The following NSUN3 variants were observed in gnomAD, a reference collection of about 807,000 sequenced individuals.
The protein encoded by NSUN3 is tRNA (cytosine(34)-C(5))-methyltransferase, mitochondrial.
In NSUN3, 24 loss-of-function variants were observed where a neutral mutation model predicts 36.8. That is an observed-to-expected ratio of 0.65 (90% CI 0.47 to 0.92). The LOEUF (loss-of-function observed/expected upper bound fraction) is 0.92. NSUN3 is among the 40% of genes least tolerant of loss of function. The probability of loss-of-function intolerance (pLI) is 0.00; values close to 1 mark genes in which losing one functional copy is unlikely to be tolerated. For synonymous variants in NSUN3, 146 were observed against 145.2 expected (o/e 1.01, Z -0.04); for missense variants, 381 against 392.8 (o/e 0.97, Z 0.25).
intron 3 of NSUN3, among the ~76,000 whole-genome samples, chr3:94,086,282 T>C (rs1043963654): frequency 1.3e-5 from 2 of 152,156 alleles, no homozygotes; most frequent in African/African-American, 4.8e-5. Flanking sequence ...CTGCCCTTGT[T>C]TGATGTTCTG....
intron 5 of NSUN3, among the ~76,000 whole-genome samples, chr3:94,116,925 G>A (rs1409967472): frequency 6.6e-6 from 1 of 150,494 alleles, no homozygotes; most frequent in African/African-American, 2.4e-5. Flanking sequence ...ATAAGTCTTG[G>A]CCATAAATAG....
At chr3:94,113,314 C>A (rs997427656) in intron 5 of NSUN3, among the ~76,000 whole-genome samples, 1 of 152,126 alleles carries the variant, frequency 6.6e-6, no homozygotes, top group African/African-American at 2.4e-5. Context: ...GGATTTTAAT[C>A]CTGGTTTGGA....
At chr3:94,097,989 T>G (rs2077350270) in intron 5 of NSUN3, among the ~76,000 whole-genome samples, 1 of 152,142 alleles carries the variant, frequency 6.6e-6, no homozygotes, top group African/African-American at 2.4e-5. Flanking sequence ...ATCCGAGATC[T>G]CCAGAAACTT....
chr3:94,084,460 T>C lies in NSUN3; in HGVS notation c.466+10T>C. On this transcript the variant is annotated intron_variant, in intron 3 of 5. Transcript: ENST00000314622. ...CAGTGTGCTTGTCCAGGTAGTGTGC[T>C]TTCCTTTCAGTATTTGACAACTTTT... The C allele has an allele frequency of 6.3e-7, 1 of 1,590,892 alleles. No individual in the cohort carries two copies. Among genetic ancestry groups the C allele is most frequent in the Non-Finnish European group, 8.6e-7 (1 of 1,166,702 alleles).
At chr3:94,105,376 A>G (rs1384034061) in intron 5 of NSUN3, among the ~76,000 whole-genome samples, 1 of 152,140 alleles carries the variant, frequency 6.6e-6, no homozygotes, top group Non-Finnish European at 1.5e-5. Context: ...TCATTCTGCC[A>G]CTCACTACAG....
chr3:94,121,332 ACT>A (rs1259582202), intron 5 of NSUN3, among the ~76,000 whole-genome samples: 2 of 151,624 alleles, frequency 1.3e-5, no homozygotes, highest in Non-Finnish European at 2.9e-5. Flanking sequence ...ATCTTCACCA[ACT>A]CTCTGCCTCC....
rs1207214085 is a variant in NSUN3 at position 94,131,115 on chromosome 3, T to C, written c.*4625T>C. ...ATTATTATTATTATTATTGTAGAGA[T>C]GTGACCTCACCAGGCTGGTTTCAAA... On this transcript the variant is annotated 3_prime_UTR_variant, in exon 6 of 6. Coordinates refer to ENST00000314622, the MANE Select transcript of NSUN3 (RefSeq NM_022072.5). 3.9e-5 allele frequency among the ~76,000 whole-genome samples: 6 copies of C among 151,940 alleles called. No individual in the cohort carries two copies. The highest frequency in any genetic ancestry group is 1.3e-4 in the Admixed American group (2 of 15,238).
chr3:94,084,585 A>G, intron 3 of NSUN3, 135 bp downstream of exon 3: 1 of 609,198 alleles, frequency 1.6e-6, no homozygotes. Flanking sequence ...GATGCTATGG[A>G]GAAGAATGGA....
intron 2 of NSUN3, chr3:94,076,668 C>G (rs1576082932): frequency 8.8e-7 from 1 of 1,131,782 alleles, no homozygotes; most frequent in Non-Finnish European, 1.3e-6. Flanking sequence ...AGACGCAAGT[C>G]TGAGTTGCAG....
At chr3:94,101,625 T>C (rs895669873) in intron 5 of NSUN3, among the ~76,000 whole-genome samples, 1 of 152,148 alleles carries the variant, frequency 6.6e-6, no homozygotes. Flanking sequence ...TTTCAGGAGA[T>C]GAGAATGAGG....
chr3:94,124,149 T>G (rs2077475364), intron 5 of NSUN3, among the ~76,000 whole-genome samples: 6 of 24,020 alleles, frequency 2.5e-4, no homozygotes, highest in African/African-American at 7.7e-4. Context: ...ATTTTATTTC[T>G]TTTTTTTTTT....
chr3:94,129,729 TTATA>T lies in NSUN3; in HGVS notation c.*3243_*3246del, dbSNP rs1479963168. The stretch of plus-strand genomic sequence containing the variant: ...GAGCATTGAATATTCTATAAATTGT[TTATA>T]TATGTTGTCTTTTTTTTTTTTTTTT... On this transcript the variant is annotated 3_prime_UTR_variant, in exon 6 of 6. Transcript: ENST00000314622. Among the ~76,000 whole-genome samples, 2 of 151,570 alleles carry T rather than the reference TTATA, an allele frequency of 1.3e-5. No homozygotes were observed. The highest frequency in any genetic ancestry group is 4.8e-5 in the African/African-American group (2 of 41,300).
chr3:94,084,911 G>A (rs181635931), intron 3 of NSUN3: 2 of 152,364 alleles, frequency 1.3e-5, no homozygotes, highest in Non-Finnish European at 2.9e-5. Flanking sequence ...AAATATTTAA[G>A]TAGTTCCATT....
At position 94,109,429 on chromosome 3, in the gene NSUN3, T is replaced by TA. The variant is rs1424306635; in HGVS notation, c.743+14276dup. 2.6e-5 allele frequency among the ~76,000 whole-genome samples: 4 copies of TA among 152,226 alleles called. 1 individual carries two copies. Among genetic ancestry groups the TA allele is most frequent in the Non-Finnish European group, 5.9e-5 (4 of 68,040 alleles). On this transcript the variant is annotated intron_variant, in intron 5 of 5. Transcript: ENST00000314622. Reference sequence around the variant, plus strand: ...TCCACAAATGATATAAGAGATTTATTATTGGAATTAGATATTATTTAATTA... The same window carrying TA: ...TCCACAAATGATATAAGAGATTTATTAATTGGAATTAGATATTATTTAATTA...
chr3:94,085,185 A>T (rs2077286900), intron 3 of NSUN3: 1 of 152,226 alleles, frequency 6.6e-6, no homozygotes, highest in Non-Finnish European at 1.5e-5. Context: ...CTTTTTCATT[A>T]ATATTATTAT....
rs1346901066 is a variant in NSUN3 at position 94,069,419 on chromosome 3, C to G, written c.122+4873C>G. Among the ~76,000 whole-genome samples the G allele has an allele frequency of 2.0e-5, 3 of 152,146 alleles. No individual in the cohort carries two copies. The South Asian group carries it at 6.2e-4, about 32-fold the overall frequency. The stretch of plus-strand genomic sequence containing the variant: ...CTTTTAAAAGAGTTGAATGAGCACC[C>G]TCTAGTGGATAATAATAGCACTAAA... On this transcript the variant is annotated intron_variant, in intron 2 of 5. Transcript: ENST00000314622.
chr3:94,096,673 A>G (rs1444599234), intron 5 of NSUN3, among the ~76,000 whole-genome samples: 1 of 151,938 alleles, frequency 6.6e-6, no homozygotes. Flanking sequence ...TAATTTTTGT[A>G]TTTTTAGTAG....
rs768827223 is a variant in NSUN3 at position 94,084,274 on chromosome 3, C to T, written c.290C>T (p.Pro97Leu). The change falls in exon 3 of 6, where the codon CCG becomes CTG. Residue 97 changes from proline to leucine, a missense_variant. Physicochemically the swap from Pro to Leu is moderately conservative, Grantham distance 98. Coordinates refer to ENST00000314622, the MANE Select transcript of NSUN3 (RefSeq NM_022072.5). ...KSVKCYLSRT[P>L]GRIPSERHQI... is the part of the protein sequence containing the mutation. ...GTGAAGTGTTACCTTAGCAGAACTC[C>T]GGGCCGAATCCCTTCAGAAAGACAC... 74 of 1,613,938 alleles carry T rather than the reference C, an allele frequency of 4.6e-5. No individual in the cohort carries two copies. Among genetic ancestry groups the T allele is most frequent in the Non-Finnish European group, 5.8e-5 (69 of 1,180,020 alleles).
chr3:94,065,816 A>G (rs950525219), intron 2 of NSUN3, among the ~76,000 whole-genome samples: 1 of 152,246 alleles, frequency 6.6e-6, no homozygotes, highest in African/African-American at 2.4e-5. Flanking sequence ...TGAGGTTTTC[A>G]GTATACAAAG....
Sources: allele counts gnomAD v4.1 joint callset (sites outside exome capture counted in the v4.1 genomes callset), GRCh38; gene constraint gnomAD v4.1.1; transcripts MANE v1.5; gene names NCBI Gene and HGNC (gene_info 2026-07-23, HGNC 2026-07-21).